SCN2A: variants seen among roughly 807,000 people sequenced by gnomAD.
SCN2A encodes the protein sodium voltage-gated channel alpha subunit 2.
SCN2A carries 20 observed loss-of-function variants against 188.7 expected under a neutral mutation model. That is an observed-to-expected ratio of 0.11 (90% CI 0.07 to 0.15). The LOEUF is 0.15. Among genes scored for constraint, SCN2A ranks in the 10% least tolerant of loss-of-function variants. SCN2A has a pLI of 1.00. For synonymous variants in SCN2A, 804 were observed against 833.1 expected, an observed-to-expected ratio of 0.97 and a Z score of 0.60; for missense variants, 1,278 against 2,445.0, an observed-to-expected ratio of 0.52 and a Z score of 10.07.
At chr2:165,307,779 G>T in intron 3 of SCN2A, 69 bp from the exon 4 acceptor site, 3 of 976,964 alleles carry the variant, frequency 3.1e-6, no homozygotes, top group Non-Finnish European at 5.0e-6. Context: ...CTTCATGGTG[G>T]TGAAGGCATG....
intron 16 of SCN2A, among the ~76,000 whole-genome samples, chr2:165,348,377 G>C (rs1176795889): frequency 8.0e-6 from 1 of 125,350 alleles, no homozygotes; most frequent in Non-Finnish European, 1.7e-5. Context: ...AAAAAAAAAA[G>C]CATATACTCT....
chr2:165,336,438 A>C (rs946535718), intron 14 of SCN2A, among the ~76,000 whole-genome samples: 1 of 152,002 alleles, frequency 6.6e-6, no homozygotes, highest in Non-Finnish European at 1.5e-5. Context: ...TACAACATGA[A>C]TAAACCTTGA....
chr2:165,319,366 G>T (rs1697951549), intron 11 of SCN2A, among the ~76,000 whole-genome samples: 1 of 151,822 alleles, frequency 6.6e-6, no homozygotes, highest in Admixed American at 6.6e-5. Flanking sequence ...AAAAAGAAGT[G>T]GTTCTTACTG....
intron 3 of SCN2A, among the ~76,000 whole-genome samples, chr2:165,304,086 A>C (rs1255402653): frequency 6.6e-6 from 1 of 152,080 alleles, no homozygotes; most frequent in Non-Finnish European, 1.5e-5. Flanking sequence ...AAAATGTAGA[A>C]ACTTGTGTAA....
At chr2:165,347,968 G>C (rs1191278442) in intron 16 of SCN2A, among the ~76,000 whole-genome samples, 1 of 152,116 alleles carries the variant, frequency 6.6e-6, no homozygotes, top group African/African-American at 2.4e-5. Flanking sequence ...GAAGTATCAG[G>C]CTCTTATGCT....
chr2:165,274,252 C>G (rs969879567), intron 1 of SCN2A: 3 of 137,000 alleles, frequency 2.2e-5, no homozygotes, highest in African/African-American at 7.9e-5. Flanking sequence ...TGCTTTACAA[C>G]ACAAAAAAAA....
chr2:165,370,275 C>T lies in SCN2A; in HGVS notation c.3825C>T (p.Cys1275=), dbSNP rs1553591860. 2 of 1,614,110 alleles carry T rather than the reference C, an allele frequency of 1.2e-6. No homozygotes were observed. The highest frequency in any genetic ancestry group is 1.7e-6 in the Non-Finnish European group (2 of 1,180,006). ...AAGTGTATTTTACCAATGCCTGGTG[C>T]TGGCTAGACTTCCTGATTGTTGATG... The part of the protein sequence containing the change: ...GFQVYFTNAW[C]WLDFLIVDVS... Residue 1275 remains cysteine, a synonymous_variant, in exon 20 of 27, where the codon TGC becomes TGT. Coordinates refer to ENST00000375437, the MANE Select transcript of SCN2A (RefSeq NM_001040142.2).
chr2:165,261,279 A>G (rs1267542339), intron 1 of SCN2A, among the ~76,000 whole-genome samples: 2 of 152,238 alleles, frequency 1.3e-5, no homozygotes, highest in African/African-American at 2.4e-5. Flanking sequence ...TATCTTTTGT[A>G]GAAGAACTGG....
rs1702103122 is a variant in SCN2A, at chr2:165,391,034, A to G, written c.*1210A>G. On this transcript the variant is annotated 3_prime_UTR_variant, in exon 27 of 27. Transcript: ENST00000375437. ...CAGTAAGTATAGTTTGCAAGCTTTC[A>G]ACAGGTAATATGATGTAATTGGTTC... 6.6e-6 allele frequency: 1 copy of G among 152,580 alleles called. No individual in the cohort carries two copies. The highest frequency in any genetic ancestry group is 1.5e-5 in the Non-Finnish European group (1 of 68,006). The allele number at this position is 152,580 out of a possible 1,614,324, so 9.5% of individuals were successfully genotyped here. A position where few individuals can be genotyped will look rare whatever the true frequency, so the allele number is the denominator to read the frequency against.
At chr2:165,327,018 T>A (rs1364149295) in intron 13 of SCN2A, 34 bp downstream of exon 13, 54 of 1,612,958 alleles carry the variant, frequency 3.3e-5, no homozygotes, top group Non-Finnish European at 3.9e-5. Context: ...AGTTACTTGG[T>A]GCTTTGGTAA....
At chr2:165,294,185 C>A in intron 1 of SCN2A, 1 of 817,160 alleles carries the variant, frequency 1.2e-6, no homozygotes, top group Non-Finnish European at 1.5e-6. Flanking sequence ...TGCTTCTCTA[C>A]CTTTACAGTA....
chr2:165,301,341 C>A (rs1042119598), intron 3 of SCN2A, among the ~76,000 whole-genome samples: 15 of 152,228 alleles, frequency 9.9e-5, no homozygotes, highest in Admixed American at 4.6e-4. Flanking sequence ...TATTTAAAGT[C>A]ATGACATTGG....
intron 20 of SCN2A, chr2:165,371,910 CTATATG>C (rs1701052444): frequency 6.6e-6 from 1 of 152,094 alleles, no homozygotes; most frequent in African/African-American, 2.4e-5. Flanking sequence ...AAGAGAAGGC[CTATATG>C]TATCTTCTTT....
At chr2:165,364,084 T>G (rs1294036439) in intron 17 of SCN2A, among the ~76,000 whole-genome samples, 1 of 152,208 alleles carries the variant, frequency 6.6e-6, no homozygotes, top group Non-Finnish European at 1.5e-5. Flanking sequence ...AGCATCCATC[T>G]TATTCTAGTT....
In SCN2A at chr2:165,390,224, GTGC is replaced by G. The variant is rs1183642139; in HGVS notation, c.*403_*405del. Reference sequence around the variant, plus strand: ...CACCTGCCATATTTTTACAAAACGTGTGCTGTGAATTTATCACTTTTCTTTTTA... The same window carrying G: ...CACCTGCCATATTTTTACAAAACGTGTGTGAATTTATCACTTTTCTTTTTA... On this transcript the variant is annotated 3_prime_UTR_variant, in exon 27 of 27. Transcript: ENST00000375437. 1 of 205,414 alleles carries G rather than the reference GTGC, an allele frequency of 4.9e-6. No individual in the cohort carries two copies. The highest frequency in any genetic ancestry group is 5.3e-5 in the Admixed American group (1 of 18,898). 12.7% of individuals were successfully genotyped at this position (205,414 alleles called of 1,614,324 possible).
chr2:165,338,152 T>C (rs1051476367), intron 14 of SCN2A, among the ~76,000 whole-genome samples: 3 of 152,202 alleles, frequency 2.0e-5, no homozygotes, highest in Non-Finnish European at 2.9e-5. Flanking sequence ...AGTGAGAACA[T>C]GCAGTATTTG....
At chr2:165,272,722 A>G (rs1695156412) in intron 1 of SCN2A, 1 of 151,754 alleles carries the variant, frequency 6.6e-6, no homozygotes, top group Non-Finnish European at 1.5e-5. Flanking sequence ...AAAATTAAGC[A>G]ACAGACTTCT....
chr2:165,309,323 T>C, intron 5 of SCN2A, 29 bp from the exon 6 acceptor site: 1 of 1,613,634 alleles, frequency 6.2e-7, no homozygotes, highest in South Asian at 1.1e-5. Context: ...GTTCTGTCAT[T>C]GTGTTTGTGT....
At chr2:165,247,100 A>G (rs978356009) in intron 1 of SCN2A, among the ~76,000 whole-genome samples, 1 of 152,100 alleles carries the variant, frequency 6.6e-6, no homozygotes, top group African/African-American at 2.4e-5. Flanking sequence ...CCCTGTTTCT[A>G]TCTAAAATCA....
Sources: gnomAD v4.1 joint callset for allele counts (sites outside exome capture counted in the v4.1 genomes callset) on GRCh38, gnomAD v4.1.1 for gene constraint, MANE v1.5 for transcripts, NCBI Gene and HGNC (gene_info 2026-07-23, HGNC 2026-07-21) for gene names.